Variants in UGT1A10 observed in about 807,000 individuals in gnomAD.
UGT1A10 encodes the protein UDP-glucuronosyltransferase 1A10.
A neutral mutation model predicts 45.8 loss-of-function variants in UGT1A10; 49 were observed. The ratio of observed to expected loss-of-function variants is 1.07; its 90% confidence interval spans 0.85 to 1.36. The LOEUF (loss-of-function observed/expected upper bound fraction) is 1.36, where lower values mean the gene tolerates loss of function less well. UGT1A10 is among the 40% of genes most tolerant of loss of function. UGT1A10 has a pLI of 0.00. For missense variants in UGT1A10, 745 were observed against 668.6 expected (o/e 1.11, Z -1.26); for synonymous variants, 284 against 249.7 (o/e 1.14, Z -1.29).
At chr2:233,676,103 T>A (rs2074345974) in intron 1 of UGT1A10, among the ~76,000 whole-genome samples, 1 of 152,154 alleles carries the variant, frequency 6.6e-6, no homozygotes. Flanking sequence ...GAAAGAATAG[T>A]CTTTTCAACA....
At chr2:233,680,212 A>G (rs945771439) in intron 1 of UGT1A10, among the ~76,000 whole-genome samples, 1 of 152,154 alleles carries the variant, frequency 6.6e-6, no homozygotes, top group Non-Finnish European at 1.5e-5. Context: ...TGCACTTTAT[A>G]GTCCCATGGT....
intron 1 of UGT1A10, chr2:233,648,654 C>G: frequency 3.8e-6 from 1 of 262,506 alleles, no homozygotes; most frequent in Non-Finnish European, 7.5e-6. Context: ...TTAGTGGAGA[C>G]GGGGTTTCAC....
rs564881528 is a variant in UGT1A10, at chr2:233,676,440, T to C, written c.855+39063T>C. On this transcript the variant is annotated intron_variant, in intron 1 of 4. Coordinates refer to ENST00000344644, the MANE Select transcript of UGT1A10 (RefSeq NM_019075.4). ...TTCCACCATTGTTAAATCTCATGTT[T>C]CTATGGCACATCCATCACAACTCAT... Among the ~76,000 whole-genome samples, 5 of 152,348 alleles carry C rather than the reference T, an allele frequency of 3.3e-5. No homozygotes were observed. In the South Asian group the frequency reaches 1.0e-3, roughly 32 times the overall value.
chr2:233,684,912 C>T (rs1330280300), intron 1 of UGT1A10, among the ~76,000 whole-genome samples: 1 of 151,772 alleles, frequency 6.6e-6, no homozygotes, highest in East Asian at 1.9e-4. Flanking sequence ...TTTTTTGTAC[C>T]TTGTTAGACA....
At position 233,648,553 on chromosome 2, in the gene UGT1A10, C is replaced by G. The variant is rs545546860; in HGVS notation, c.855+11176C>G. 385 of 177,268 alleles carry G rather than the reference C, an allele frequency of 2.2e-3. 4 individuals carry two copies. Among genetic ancestry groups the G allele is most frequent in the African/African-American group, 9.0e-3 (379 of 42,000 alleles). The allele number at this position is 177,268 out of a possible 1,614,324, so 11.0% of individuals were successfully genotyped here. The stretch of plus-strand genomic sequence containing the variant: ...TCGGCTCACTGCAAACTGCACCTCC[C>G]GGGTTCACGCCATTCCTCTGCCTCA... On this transcript the variant is annotated intron_variant, in intron 1 of 4. Transcript: ENST00000344644.
chr2:233,704,482 A>G (rs2075791499), intron 1 of UGT1A10, among the ~76,000 whole-genome samples: 1 of 152,052 alleles, frequency 6.6e-6, no homozygotes, highest in South Asian at 2.1e-4. Flanking sequence ...TCCCCTTTTT[A>G]TGATATTATT....
intron 1 of UGT1A10, chr2:233,690,696 T>C: frequency 8.1e-7 from 1 of 1,237,692 alleles, no homozygotes; most frequent in South Asian, 1.4e-5. Flanking sequence ...GAGCTACTCT[T>C]TAGGGATCGT....
chr2:233,636,739 A>G lies in UGT1A10; in HGVS notation c.217A>G (p.Thr73Ala), dbSNP rs761034446. 3 of 1,614,110 alleles carry G rather than the reference A, an allele frequency of 1.9e-6. No individual in the cohort carries two copies. The highest frequency in any genetic ancestry group is 1.1e-5 in the South Asian group (1 of 91,084). ...SWQLERSLNCTVKTYSTSYTL... is the reference protein window; with the variant it reads ...SWQLERSLNCAVKTYSTSYTL... Reference sequence around the variant, plus strand: ...GCAACTGGAAAGATCACTGAATTGCACAGTGAAGACTTACTCAACCTCGTA... The same window carrying G: ...GCAACTGGAAAGATCACTGAATTGCGCAGTGAAGACTTACTCAACCTCGTA... Residue 73 changes from threonine (T) to alanine (A), a missense_variant, in exon 1 of 5, where the codon ACA becomes GCA. Coordinates refer to ENST00000344644, the MANE Select transcript of UGT1A10 (RefSeq NM_019075.4).
chr2:233,715,863 T>C (rs1183803231), intron 1 of UGT1A10, among the ~76,000 whole-genome samples: 2 of 152,198 alleles, frequency 1.3e-5, no homozygotes, highest in Non-Finnish European at 2.9e-5. Flanking sequence ...CTGGGTGCAG[T>C]AGCTTGTGCC....
At chr2:233,648,264 G>A (rs1053329205) in intron 1 of UGT1A10, 43 of 608,472 alleles carry the variant, frequency 7.1e-5, no homozygotes, top group Middle Eastern at 4.8e-4. Context: ...CTTTTGATGC[G>A]GTGTTTCTGG....
chr2:233,645,959 C>A (rs1183859720), intron 1 of UGT1A10, among the ~76,000 whole-genome samples: 1 of 152,244 alleles, frequency 6.6e-6, no homozygotes, highest in Non-Finnish European at 1.5e-5. Flanking sequence ...AGCAGAGGTT[C>A]TCTGTGAGGG....
chr2:233,747,871 T>C (rs12466997), intron 1 of UGT1A10: 130,796 of 1,613,384 alleles, frequency 0.081, 8,579 homozygotes, highest in African/African-American at 0.27. Context: ...CCTCTGGCCC[T>C]GTCCTACCTT....
intron 1 of UGT1A10, among the ~76,000 whole-genome samples, chr2:233,680,186 T>G (rs899898356): frequency 1.3e-5 from 2 of 152,196 alleles, no homozygotes; most frequent in Admixed American, 1.3e-4. Context: ...TTGGGAGTAC[T>G]TGCAGCATCA....
intron 1 of UGT1A10, among the ~76,000 whole-genome samples, chr2:233,739,992 T>C (rs772368489): frequency 2.0e-5 from 3 of 151,936 alleles, no homozygotes; most frequent in Non-Finnish European, 2.9e-5. Context: ...CATGCTGTTC[T>C]TGTCATACTA....
intron 1 of UGT1A10, among the ~76,000 whole-genome samples, chr2:233,736,231 C>A (rs570595506): frequency 2.0e-5 from 3 of 152,220 alleles, no homozygotes; most frequent in East Asian, 1.9e-4. Flanking sequence ...TTTTCTCTAA[C>A]CTTGTCTTCT....
chr2:233,727,679 G>C lies in UGT1A10; in HGVS notation c.856-39355G>C, dbSNP rs376074254. Among the ~76,000 whole-genome samples, 5 of 152,276 alleles carry C rather than the reference G, an allele frequency of 3.3e-5. No homozygotes were observed. The East Asian group carries it at 7.7e-4, about 24-fold the overall frequency. The stretch of plus-strand genomic sequence containing the variant: ...TGCTCTATGTCCTTACAAATTCCCA[G>C]GAATCATCCTCTACTGGACAGTTCC... On this transcript the variant is annotated intron_variant, in intron 1 of 4. Coordinates refer to ENST00000344644, the MANE Select transcript of UGT1A10 (RefSeq NM_019075.4).
At chr2:233,640,249 A>G (rs1304686462) in intron 1 of UGT1A10, among the ~76,000 whole-genome samples, 1 of 152,212 alleles carries the variant, frequency 6.6e-6, no homozygotes, top group Non-Finnish European at 1.5e-5. Context: ...GCACCTGTAT[A>G]TCAATCCTTA....
chr2:233,746,863 GATAA>G lies in UGT1A10; in HGVS notation c.856-20169_856-20166del, dbSNP rs761863158. 2.4e-3 allele frequency among the ~76,000 whole-genome samples: 366 copies of G among 151,888 alleles called. 1 individual carries two copies. The highest frequency in any genetic ancestry group is 3.4e-3 in the Non-Finnish European group (229 of 68,012). The stretch of plus-strand genomic sequence containing the variant: ...ACCTCTCAGACCTCAGCTGCAGCCT[GATAA>G]ACGTGGTTAACAGAGAAGTAGGAGG... On this transcript the variant is annotated intron_variant, in intron 1 of 4. Transcript: ENST00000344644.
intron 1 of UGT1A10, among the ~76,000 whole-genome samples, chr2:233,702,299 A>G (rs912021093): frequency 1.3e-5 from 2 of 152,188 alleles, no homozygotes; most frequent in African/African-American, 4.8e-5. Context: ...AGAGTTTTGT[A>G]TATTGATCTT....
Sources: gnomAD v4.1 joint callset for allele counts (sites outside exome capture counted in the v4.1 genomes callset) on GRCh38, gnomAD v4.1.1 for gene constraint, MANE v1.5 for transcripts, NCBI Gene and HGNC (gene_info 2026-07-23, HGNC 2026-07-21) for gene names.